RAB6A: variants seen among roughly 807,000 people sequenced by gnomAD.
RAB6A encodes the protein ras-related protein Rab-6A.
RAB6A carries 8 observed loss-of-function variants against 32.3 expected under a neutral mutation model. The observed-to-expected ratio is 0.25, with a 90% CI of 0.15 to 0.45. The LOEUF (loss-of-function observed/expected upper bound fraction) is 0.45, where lower values mean the gene tolerates loss of function less well. Ranked by LOEUF, RAB6A falls within the 20% of genes least tolerant of loss-of-function variation. The pLI, the probability that RAB6A is intolerant of heterozygous loss-of-function variation, is 1.00. For synonymous variants in RAB6A, 73 were observed against 82.1 expected (o/e 0.89, Z 0.60); for missense variants, 104 against 249.4 (o/e 0.42, Z 3.93).
chr11:73,740,419 T>G (rs941750874), intron 1 of RAB6A, among the ~76,000 whole-genome samples: 1 of 152,168 alleles, frequency 6.6e-6, no homozygotes, highest in Non-Finnish European at 1.5e-5. Context: ...TCCAAGGGCG[T>G]CTCACCTAGG....
intron 2 of RAB6A, chr11:73,722,295 A>ATGTGTGTGTGTATG (rs1555061974): frequency 3.8e-4 from 31 of 80,826 alleles, no homozygotes; most frequent in African/African-American, 1.5e-3. Flanking sequence ...TCAAATATAT[A>ATGTGTGTGTGTATG]TGTGTGTGTG....
At chr11:73,704,789 G>A (rs1366362565) in intron 6 of RAB6A, among the ~76,000 whole-genome samples, 1 of 151,980 alleles carries the variant, frequency 6.6e-6, no homozygotes, top group Non-Finnish European at 1.5e-5. Context: ...GAGGTCAGGA[G>A]ATCGAGACCA....
At position 73,760,567 on chromosome 11, in the gene RAB6A, G is replaced by A. The variant is rs769510381; in HGVS notation, c.69C>T (p.Ser23=). The change falls in exon 1 of 8, where the codon AGC becomes AGT. Residue 23 remains serine, a splice_region_variant and synonymous_variant. Coordinates refer to ENST00000336083, the MANE Select transcript of RAB6A (RefSeq NM_198896.2). ...KFKLVFLGEQ[S]VGKTSLITRF... is the part of the protein sequence containing the mutation. Reference sequence around the variant, plus strand: ...GGAGTAGGGGAGCCACGCACTCACCGCTTTGCTCCCCCAGGAACACCAGCT... The same window carrying A: ...GGAGTAGGGGAGCCACGCACTCACCACTTTGCTCCCCCAGGAACACCAGCT... 3.1e-6 allele frequency: 5 copies of A among 1,607,358 alleles called. No homozygotes were observed. Among genetic ancestry groups the A allele is most frequent in the Non-Finnish European group, 3.4e-6 (4 of 1,177,226 alleles).
intron 6 of RAB6A, among the ~76,000 whole-genome samples, chr11:73,689,671 CCCA>C (rs1179816338): frequency 1.3e-5 from 2 of 152,158 alleles, no homozygotes; most frequent in African/African-American, 4.8e-5. Context: ...CCCCTCAACC[CCCA>C]CCACCACTTT....
intron 1 of RAB6A, among the ~76,000 whole-genome samples, chr11:73,743,787 A>G (rs968982102): frequency 6.6e-6 from 1 of 152,166 alleles, no homozygotes; most frequent in Non-Finnish European, 1.5e-5. Context: ...ACATAACACA[A>G]TTTTGTGAAA....
At chr11:73,713,508 C>T (rs1296133509) in intron 5 of RAB6A, among the ~76,000 whole-genome samples, 3 of 150,404 alleles carry the variant, frequency 2.0e-5, no homozygotes, top group African/African-American at 4.9e-5. Context: ...GGGGAGCTTG[C>T]AGTGAGCCAA....
Position 73,675,926 on chromosome 11 carries a change from G to A in RAB6A, c.*1972C>T, listed in dbSNP as rs1007195927. The A allele has an allele frequency of 1.8e-5, 3 of 167,078 alleles. No individual in the cohort carries two copies. The highest frequency in any genetic ancestry group is 4.4e-5 in the Non-Finnish European group (3 of 68,114). The allele number at this position is 167,078 out of a possible 1,614,324, so 10.3% of individuals were successfully genotyped here. ...TGAATCAATATTTATTTCAGGACAT[G>A]CCATGTCAAAATAAAACAAAGAGTC... On this transcript the variant is annotated 3_prime_UTR_variant, in exon 8 of 8. Transcript: ENST00000336083.
At chr11:73,700,583 C>CAAAAA (rs11458879) in intron 6 of RAB6A, among the ~76,000 whole-genome samples, 7 of 30,490 alleles carry the variant, frequency 2.3e-4, no homozygotes, top group African/African-American at 1.0e-3. Context: ...GACCCTGTCT[C>CAAAAA]AAAAAAAAAA....
At chr11:73,732,653 G>C (rs1393391335) in intron 1 of RAB6A, among the ~76,000 whole-genome samples, 2 of 152,074 alleles carry the variant, frequency 1.3e-5, no homozygotes, top group Non-Finnish European at 2.9e-5. Context: ...CCAGCTACTT[G>C]GGAGGCTCAG....
chr11:73,741,091 A>G (rs999884902), intron 1 of RAB6A, among the ~76,000 whole-genome samples: 1 of 152,160 alleles, frequency 6.6e-6, no homozygotes, highest in Non-Finnish European at 1.5e-5. Context: ...AAATAGAGAC[A>G]TCCAAAGTAA....
chr11:73,698,150 G>A (rs1945683653), intron 6 of RAB6A, among the ~76,000 whole-genome samples: 1 of 152,158 alleles, frequency 6.6e-6, no homozygotes. Context: ...GAACCCTGGA[G>A]GCAGAGATTG....
chr11:73,681,723 C>T (rs1385138168), intron 6 of RAB6A, among the ~76,000 whole-genome samples: 1 of 152,134 alleles, frequency 6.6e-6, no homozygotes, highest in Non-Finnish European at 1.5e-5. Flanking sequence ...GCAGAAGAAT[C>T]GCTTGAACCC....
chr11:73,741,260 C>T (rs1409403102), intron 1 of RAB6A, among the ~76,000 whole-genome samples: 1 of 152,054 alleles, frequency 6.6e-6, no homozygotes, highest in Non-Finnish European at 1.5e-5. Flanking sequence ...CCTCAGCCTC[C>T]CAATCAGCTG....
intron 2 of RAB6A, among the ~76,000 whole-genome samples, chr11:73,726,618 G>A (rs779111377): frequency 9.6e-5 from 12 of 124,556 alleles, no homozygotes; most frequent in Non-Finnish European, 1.7e-4. Flanking sequence ...GCATAGTGGT[G>A]CACACCTGTA....
Position 73,719,974 on chromosome 11 carries a change from GA to G in RAB6A, c.183+871del, listed in dbSNP as rs796289106. ...TCAAAACATAAAAGAGAATATTCAG[GA>G]AAAAAAAAACACCTAAGAAATAACA... is the stretch of plus-strand genomic sequence containing the variant. On this transcript the variant is annotated intron_variant, in intron 3 of 7. Coordinates refer to ENST00000336083, the MANE Select transcript of RAB6A (RefSeq NM_198896.2). Among the ~76,000 whole-genome samples the G allele has an allele frequency of 6.9e-3, 995 of 145,012 alleles. 13 individuals carry two copies. The highest frequency in any genetic ancestry group is 0.024 in the African/African-American group (943 of 39,532).
In RAB6A at chr11:73,684,606, G is replaced by C. The variant is rs541358431; in HGVS notation, c.496-4886C>G. ...ATATTCACTTTATTGTAGTGATCTA[G>C]AGCCAGACTGCAGTATCTCCGAGGT... On this transcript the variant is annotated intron_variant, in intron 6 of 7. Transcript: ENST00000336083. 5.9e-5 allele frequency among the ~76,000 whole-genome samples: 9 copies of C among 152,238 alleles called. No homozygotes were observed. In the East Asian group the frequency reaches 1.7e-3, roughly 29 times the overall value.
chr11:73,732,904 C>CT (rs1305260396), intron 1 of RAB6A, among the ~76,000 whole-genome samples: 13 of 151,974 alleles, frequency 8.6e-5, no homozygotes, highest in African/African-American at 3.1e-4. Context: ...CGTCCACCTC[C>CT]TGGGTTCAAG....
At chr11:73,692,788 C>CAAAAAAAAAAAAA (rs140762210) in intron 6 of RAB6A, among the ~76,000 whole-genome samples, 11 of 98,130 alleles carry the variant, frequency 1.1e-4, no homozygotes, top group South Asian at 3.1e-4. Flanking sequence ...ACTAAAAATA[C>CAAAAAAAAAAAAA]AAAAAAAAAA....
At chr11:73,756,477 A>AG (rs1335308664) in intron 1 of RAB6A, among the ~76,000 whole-genome samples, 3 of 152,230 alleles carry the variant, frequency 2.0e-5, no homozygotes, top group Non-Finnish European at 4.4e-5. Context: ...AGTGAAAAAA[A>AG]CAGTAGTAGG....
Sources: gnomAD v4.1 joint callset for allele counts (sites outside exome capture counted in the v4.1 genomes callset) on GRCh38, gnomAD v4.1.1 for gene constraint, MANE v1.5 for transcripts, NCBI Gene and HGNC (gene_info 2026-07-23, HGNC 2026-07-21) for gene names.